Variants in DENND5A observed in about 807,000 individuals in gnomAD.
DENND5A encodes DENN domain containing 5A.
A neutral mutation model predicts 140.3 loss-of-function variants in DENND5A; 64 were observed. That is an observed-to-expected ratio of 0.46 (90% confidence interval 0.37 to 0.56). The LOEUF (loss-of-function observed/expected upper bound fraction) is 0.56. Among genes scored for constraint, DENND5A ranks in the 20% least tolerant of loss-of-function variants. DENND5A has a pLI of 0.00. For missense variants in DENND5A, 1,292 were observed against 1,593.8 expected (o/e 0.81, Z 3.22); for synonymous variants, 605 against 607.7 (o/e 1.00, Z 0.07).
intron 1 of DENND5A, among the ~76,000 whole-genome samples, chr11:9,254,693 T>C (rs1254216339): frequency 6.6e-6 from 1 of 152,184 alleles, no homozygotes; most frequent in South Asian, 2.1e-4. Flanking sequence ...GACTCCCAGT[T>C]TGAAACTGGC....
chr11:9,221,030 C>T (rs1467454441), intron 1 of DENND5A, among the ~76,000 whole-genome samples: 1 of 151,104 alleles, frequency 6.6e-6, no homozygotes, highest in Non-Finnish European at 1.5e-5. Context: ...TGCCGTGAGC[C>T]GAGATGGCGC....
intron 1 of DENND5A, among the ~76,000 whole-genome samples, chr11:9,222,838 G>A (rs943828151): frequency 7.2e-5 from 11 of 152,196 alleles, no homozygotes; most frequent in Admixed American, 6.5e-4. Flanking sequence ...GAAATTCAAC[G>A]CTGCCTGCAG....
At chr11:9,233,995 T>C (rs931312351) in intron 1 of DENND5A, among the ~76,000 whole-genome samples, 1 of 151,960 alleles carries the variant, frequency 6.6e-6, no homozygotes, top group African/African-American at 2.4e-5. Flanking sequence ...CTGGCCAACA[T>C]GGTGAAACCC....
chr11:9,213,816 A>AAAAAAAAAAAAAG lies in DENND5A; in HGVS notation c.110-6185_110-6184insCTTTTTTTTTTTT, dbSNP rs1326114808. 4.7e-4 allele frequency among the ~76,000 whole-genome samples: 70 copies of AAAAAAAAAAAAAG among 150,198 alleles called. 2 individuals carry two copies. The highest frequency in any genetic ancestry group is 3.9e-4 in the East Asian group (2 of 5,162). On this transcript the variant is annotated intron_variant, in intron 1 of 22. Transcript: ENST00000328194. ...AGCGAGACTCCGTCTCCCAAAAAAA[A>AAAAAAAAAAAAAG]AAGAAGAAGAAGAAGCAGTGAGCCA... is the stretch of plus-strand genomic sequence containing the variant.
intron 12 of DENND5A, among the ~76,000 whole-genome samples, chr11:9,155,953 T>C (rs1319046971): frequency 6.6e-6 from 1 of 152,214 alleles, no homozygotes; most frequent in Non-Finnish European, 1.5e-5. Flanking sequence ...TCTCTCTACT[T>C]TCTGAGCAGA....
intron 21 of DENND5A, 57 bp downstream of exon 21, chr11:9,142,665 T>G: frequency 6.2e-7 from 1 of 1,606,856 alleles, no homozygotes; most frequent in Non-Finnish European, 8.5e-7. Context: ...GCTATGCTGG[T>G]GAGTCCCCTT....
At chr11:9,238,392 C>T (rs1851091552) in intron 1 of DENND5A, among the ~76,000 whole-genome samples, 1 of 150,362 alleles carries the variant, frequency 6.7e-6, no homozygotes, top group Non-Finnish European at 1.5e-5. Context: ...TACTTATATA[C>T]TTAGAATTTG....
At chr11:9,153,207 C>A (rs1196184306) in intron 12 of DENND5A, among the ~76,000 whole-genome samples, 1 of 146,582 alleles carries the variant, frequency 6.8e-6, no homozygotes, top group Admixed American at 6.8e-5. Flanking sequence ...GTCCCAGCTA[C>A]TCGGGAGGCT....
intron 11 of DENND5A, 31 bp from the exon 12 acceptor site, chr11:9,160,896 A>G (rs774576529): frequency 3.7e-6 from 6 of 1,609,368 alleles, no homozygotes; most frequent in Non-Finnish European, 5.1e-6. Flanking sequence ...GGATTAAATA[A>G]CCACAGTGAG....
chr11:9,185,481 T>C (rs1196458513), intron 5 of DENND5A, among the ~76,000 whole-genome samples: 3 of 152,198 alleles, frequency 2.0e-5, no homozygotes, highest in Non-Finnish European at 4.4e-5. Flanking sequence ...TGTTGTTTCA[T>C]TGATCTGTTT....
At chr11:9,249,546 G>A (rs1436830409) in intron 1 of DENND5A, among the ~76,000 whole-genome samples, 1 of 151,776 alleles carries the variant, frequency 6.6e-6, no homozygotes, top group African/African-American at 2.4e-5. Context: ...TTATTTTATT[G>A]TATTTTATTG....
At chr11:9,195,883 A>G (rs1849307119) in intron 4 of DENND5A, among the ~76,000 whole-genome samples, 1 of 152,048 alleles carries the variant, frequency 6.6e-6, no homozygotes, top group South Asian at 2.1e-4. Flanking sequence ...TTTAAGTGAC[A>G]TTGTCTCAAA....
At chr11:9,195,246 A>C (rs954121155) in intron 4 of DENND5A, among the ~76,000 whole-genome samples, 8 of 150,400 alleles carry the variant, frequency 5.3e-5, no homozygotes, top group African/African-American at 2.0e-4. Flanking sequence ...ACCCGAGCTA[A>C]TTTTGTATTT....
At position 9,264,998 on chromosome 11, in the gene DENND5A, C is replaced by T; in HGVS notation, c.72G>A (p.Leu24=). The T allele has an allele frequency of 6.3e-7, 1 of 1,589,594 alleles. No homozygotes were observed. The highest frequency in any genetic ancestry group is 1.8e-4 in the Middle Eastern group (1 of 5,476). ...CCGGCTCCAGCCCGGTCTCCGTGTC[C>T]AGTCCGCAGATGACAAAGTAGTCGG... ...RFADYFVICG[L]DTETGLEPDE... Residue 24 remains leucine (L), a synonymous_variant, in exon 1 of 23, where the codon CTG becomes CTA. Coordinates refer to ENST00000328194, the MANE Select transcript of DENND5A (RefSeq NM_015213.4).
chr11:9,254,698 A>C (rs1201430508), intron 1 of DENND5A, among the ~76,000 whole-genome samples: 1 of 152,156 alleles, frequency 6.6e-6, no homozygotes, highest in Non-Finnish European at 1.5e-5. Context: ...CCAGTTTGAA[A>C]CTGGCTCATA....
intron 15 of DENND5A, among the ~76,000 whole-genome samples, chr11:9,149,793 G>A (rs1391009522): frequency 6.6e-6 from 1 of 152,206 alleles, no homozygotes; most frequent in African/African-American, 2.4e-5. Context: ...AGGTATACAT[G>A]TCACCTGAAT....
Position 9,165,821 on chromosome 11 carries a change from A to G in DENND5A, c.2283+15T>C, listed in dbSNP as rs368718475. The G allele has an allele frequency of 6.2e-7, 1 of 1,613,578 alleles. No individual in the cohort carries two copies. Among genetic ancestry groups the G allele is most frequent in the Non-Finnish European group, 8.5e-7 (1 of 1,179,736 alleles). ...TAACAGAAATAGCACACATACAGAG[A>G]TGTCCACAGCTTACCTTATTGCGGC... On this transcript the variant is annotated intron_variant, in intron 11 of 22. Transcript: ENST00000328194.
chr11:9,145,569 C>A (rs899862122), intron 17 of DENND5A, 101 bp downstream of exon 17: 21 of 1,268,436 alleles, frequency 1.7e-5, no homozygotes, highest in South Asian at 1.5e-4. Context: ...AAGCATTACA[C>A]TGTACATAGC....
chr11:9,223,892 TA>T (rs1850422891), intron 1 of DENND5A, among the ~76,000 whole-genome samples: 1 of 152,158 alleles, frequency 6.6e-6, no homozygotes, highest in Admixed American at 6.5e-5. Flanking sequence ...CCTGACCATT[TA>T]AAAATAAACC....
Sources: allele counts gnomAD v4.1 joint callset (sites outside exome capture counted in the v4.1 genomes callset), GRCh38; gene constraint gnomAD v4.1.1; transcripts MANE v1.5; gene names NCBI Gene and HGNC (gene_info 2026-07-23, HGNC 2026-07-21).